The following IL6ST variants were observed in gnomAD, a reference collection of about 807,000 sequenced individuals.
IL6ST encodes the protein interleukin-6 receptor subunit beta.
In IL6ST, 24 loss-of-function variants were observed where a neutral mutation model predicts 91.3. The ratio of observed to expected loss-of-function variants is 0.26; its 90% CI spans 0.19 to 0.37. IL6ST has a LOEUF of 0.37. Ranked by LOEUF, IL6ST falls within the 10% of genes least tolerant of loss-of-function variation. The probability of loss-of-function intolerance (pLI) is 1.00; values close to 1 mark genes in which losing one functional copy is unlikely to be tolerated. For synonymous variants in IL6ST, 351 were observed against 373.6 expected, an observed-to-expected ratio of 0.94 and a Z score of 0.70; for missense variants, 914 against 1,078.5, an observed-to-expected ratio of 0.85 and a Z score of 2.14.
intron 7 of IL6ST, among the ~76,000 whole-genome samples, chr5:55,962,931 A>G (rs951426475): frequency 6.6e-6 from 1 of 152,012 alleles, no homozygotes; most frequent in Non-Finnish European, 1.5e-5. Context: ...CCTGGGCAAC[A>G]CGGCGAGACT....
At chr5:55,959,169 C>T (rs371844920) in intron 8 of IL6ST, among the ~76,000 whole-genome samples, 1 of 152,164 alleles carries the variant, frequency 6.6e-6, no homozygotes, top group Non-Finnish European at 1.5e-5. Flanking sequence ...ATTTTACCTA[C>T]ATTTTAAACT....
chr5:55,942,594 C>T, intron 16 of IL6ST, 76 bp downstream of exon 16: 1 of 727,888 alleles, frequency 1.4e-6, no homozygotes, highest in South Asian at 1.7e-5. Context: ...CTCAATATAC[C>T]TACTAACTGT....
At chr5:55,956,401 C>T (rs1244012167) in intron 9 of IL6ST, among the ~76,000 whole-genome samples, 166 bp from the exon 10 acceptor site, 2 of 152,130 alleles carry the variant, frequency 1.3e-5, no homozygotes, top group African/African-American at 2.4e-5. Context: ...AAAACTAGTA[C>T]ATACTAAATG....
chr5:55,952,277 A>G lies in IL6ST; in HGVS notation c.1525T>C (p.Ser509Pro). The G allele has an allele frequency of 6.2e-7, 1 of 1,610,924 alleles. No homozygotes were observed. Residue 509 changes from serine (S) to proline (P), a missense_variant, in exon 12 of 17, where the codon TCC becomes CCC. Physicochemically the swap from Ser to Pro is moderately conservative, Grantham distance 74 (BLOSUM62 -1). Transcript: ENST00000381298. ...VYADGPGSPE[S>P]IKAYLKQAPP... ...GCTTGTTTAAGGTATGCCTTTATGG[A>G]TTCAGGGCTTCCTGGTCCATCAGCA...
At position 55,973,015 on chromosome 5, in the gene IL6ST, A is replaced by C. The variant is rs187993139; in HGVS notation, c.65-3160T>G. On this transcript the variant is annotated intron_variant, in intron 3 of 16. Transcript: ENST00000381298. ...ACGAGATTCCATCTCAAAAAAAAAGAAAAAAAGCAAAAAAAAAAAGAATAT... is the reference window on the plus strand; with the variant it reads ...ACGAGATTCCATCTCAAAAAAAAAGCAAAAAAGCAAAAAAAAAAAGAATAT... 1.4e-4 allele frequency among the ~76,000 whole-genome samples: 21 copies of C among 151,658 alleles called. No individual in the cohort carries two copies. The East Asian group carries it at 4.1e-3, about 29-fold the overall frequency.
intron 5 of IL6ST, 129 bp from the exon 6 acceptor site, chr5:55,964,441 T>C: frequency 3.6e-6 from 2 of 554,198 alleles, no homozygotes; most frequent in Non-Finnish European, 6.3e-6. Flanking sequence ...TAACTGCTGG[T>C]CACTAACAAA....
intron 16 of IL6ST, among the ~76,000 whole-genome samples, chr5:55,942,190 G>A (rs1750963626): frequency 6.6e-6 from 1 of 152,150 alleles, no homozygotes; most frequent in Non-Finnish European, 1.5e-5. Context: ...TAAAATTTAA[G>A]GACTACCGGA....
At position 55,935,628 on chromosome 5, in the gene IL6ST, AC is replaced by A. The variant is rs1750469027; in HGVS notation, c.*5453del. 4.6e-6 allele frequency: 1 copy of A among 219,252 alleles called. No homozygotes were observed. The highest frequency in any genetic ancestry group is 9.2e-6 in the Non-Finnish European group (1 of 109,274). 13.6% of individuals were successfully genotyped at this position (219,252 alleles called of 1,614,324 possible). ...TGCTTTCACACATTCTTCTTTTTCT[AC>A]CTCAGTTCCTCTTTGCTTGTAGTCT... On this transcript the variant is annotated 3_prime_UTR_variant, in exon 17 of 17. Transcript: ENST00000381298.
intron 15 of IL6ST, among the ~76,000 whole-genome samples, chr5:55,944,972 A>G (rs191653297): frequency 2.1e-5 from 3 of 143,660 alleles, no homozygotes; most frequent in African/African-American, 7.9e-5. Flanking sequence ...TTCTGTGTTT[A>G]TTTGTGGCCG....
intron 1 of IL6ST, among the ~76,000 whole-genome samples, chr5:55,991,182 T>C (rs1373287643): frequency 6.6e-6 from 1 of 152,192 alleles, no homozygotes; most frequent in Non-Finnish European, 1.5e-5. Flanking sequence ...CTATTGTGAA[T>C]AGTGCTGCAA....
At chr5:55,978,829 G>C (rs2111875517) in intron 2 of IL6ST, among the ~76,000 whole-genome samples, 1 of 138,782 alleles carries the variant, frequency 7.2e-6, no homozygotes, top group Admixed American at 7.5e-5. Flanking sequence ...AAAAAATGGT[G>C]AATTTTATTG....
At chr5:55,977,154 G>A (rs1753347164) in intron 2 of IL6ST, among the ~76,000 whole-genome samples, 2 of 152,038 alleles carry the variant, frequency 1.3e-5, no homozygotes, top group Admixed American at 6.5e-5. Context: ...AAAAGAGTAT[G>A]AACTGGTGAT....
intron 5 of IL6ST, among the ~76,000 whole-genome samples, chr5:55,967,487 C>A (rs1752704679): frequency 6.7e-6 from 1 of 149,170 alleles, no homozygotes; most frequent in Non-Finnish European, 1.5e-5. Flanking sequence ...TTGACTGAAA[C>A]AAATGTAAAA....
rs1751636409 is a variant in IL6ST at position 55,951,579 on chromosome 5, T to C, written c.1725A>G (p.Thr575=). ...ETAVNVDSSH[T]EYTLSSLTSD... ...TAGTCAAAGAGGACAATGTATATTC[T>C]GTGTGGGAAGAATCCACATTCACAG... The change falls in exon 14 of 17, where the codon ACA becomes ACG. Residue 575 remains threonine (T), a synonymous_variant. Transcript: ENST00000381298. The C allele has an allele frequency of 6.2e-7, 1 of 1,612,136 alleles. No homozygotes were observed. Among genetic ancestry groups the C allele is most frequent in the Non-Finnish European group, 8.5e-7 (1 of 1,179,110 alleles).
rs1354252945 is a variant in IL6ST, at chr5:55,940,188, A to AT, written c.*893dup. On this transcript the variant is annotated 3_prime_UTR_variant, in exon 17 of 17. Transcript: ENST00000381298. The stretch of plus-strand genomic sequence containing the variant: ...GCAATTTAAGCCTTTTAACATGCCA[A>AT]TTTTTTAGATGCTTTATTGGTTTTT... 4.8e-6 allele frequency: 1 copy of AT among 207,578 alleles called. No homozygotes were observed. Among genetic ancestry groups the AT allele is most frequent in the Non-Finnish European group, 9.8e-6 (1 of 102,082 alleles). The allele number at this position is 207,578 out of a possible 1,614,324, so 12.9% of individuals were successfully genotyped here.
chr5:55,951,758 C>A (rs1751647623), intron 13 of IL6ST, 154 bp from the exon 14 acceptor site: 1 of 819,718 alleles, frequency 1.2e-6, no homozygotes, highest in South Asian at 1.8e-5. Flanking sequence ...TGTTCTAAAG[C>A]ACAACACAAT....
At chr5:55,957,165 A>AG in intron 9 of IL6ST, 44 bp downstream of exon 9, 1 of 1,113,108 alleles carries the variant, frequency 9.0e-7, no homozygotes. Flanking sequence ...TCAAAAAAAA[A>AG]AAAAAAGATT....
At chr5:55,950,560 A>G (rs1028084749) in intron 14 of IL6ST, among the ~76,000 whole-genome samples, 18 of 143,236 alleles carry the variant, frequency 1.3e-4, no homozygotes, top group African/African-American at 2.9e-4. Flanking sequence ...AAAAAAAAAA[A>G]GCAAAAAAAG....
rs138917681 is a variant in IL6ST at position 55,963,472 on chromosome 5, G to T, written c.693C>A (p.Ile231=). The T allele has an allele frequency of 3.1e-6, 5 of 1,609,048 alleles. No individual in the cohort carries two copies. The highest frequency in any genetic ancestry group is 4.2e-6 in the Non-Finnish European group (5 of 1,177,172). Residue 231 remains isoleucine, a synonymous_variant, in exon 7 of 17, where the codon ATC becomes ATA. Coordinates refer to ENST00000381298, the MANE Select transcript of IL6ST (RefSeq NM_002184.4). ...KPNPPHNLSV[I]NSEELSSILK... ...AGATACTAGACAGTTCCTCTGAGTT[G>T]ATCACTGATAAATTATGTGGCGGAT...
Sources: gnomAD v4.1 joint callset for allele counts (sites outside exome capture counted in the v4.1 genomes callset) on GRCh38, gnomAD v4.1.1 for gene constraint, MANE v1.5 for transcripts, NCBI Gene and HGNC (gene_info 2026-07-23, HGNC 2026-07-21) for gene names.